SPTLC3: variants seen among roughly 807,000 people sequenced by gnomAD.
SPTLC3 encodes serine palmitoyltransferase long chain base subunit 3.
SPTLC3 carries 36 observed loss-of-function variants against 59.3 expected under a neutral mutation model. The observed-to-expected ratio is 0.61, with a 90% CI of 0.47 to 0.80. SPTLC3 has a LOEUF of 0.80. SPTLC3 is among the 30% of genes least tolerant of loss of function. The pLI, the probability that SPTLC3 is intolerant of heterozygous loss-of-function variation, is 0.00. For missense variants in SPTLC3, 625 were observed against 685.1 expected, an observed-to-expected ratio of 0.91 and a Z score of 0.98; for synonymous variants, 257 against 240.8, an observed-to-expected ratio of 1.07 and a Z score of -0.62.
intron 9 of SPTLC3, among the ~76,000 whole-genome samples, chr20:13,133,238 C>T (rs1600350304): frequency 6.6e-6 from 1 of 152,286 alleles, no homozygotes; most frequent in Admixed American, 6.5e-5. Context: ...TCACCTGTTT[C>T]CTTTCCAAAA....
At chr20:13,023,661 G>A (rs1423161673) in intron 1 of SPTLC3, among the ~76,000 whole-genome samples, 2 of 152,034 alleles carry the variant, frequency 1.3e-5, no homozygotes, top group African/African-American at 4.8e-5. Flanking sequence ...GGACAGCATG[G>A]CTACTATTTA....
At chr20:13,114,503 T>C (rs942747846) in intron 7 of SPTLC3, among the ~76,000 whole-genome samples, 2 of 152,170 alleles carry the variant, frequency 1.3e-5, no homozygotes, top group African/African-American at 4.8e-5. Flanking sequence ...AATAGTCAGC[T>C]CTTCTAAAAC....
At chr20:13,065,585 A>C (rs2122550037) in intron 2 of SPTLC3, among the ~76,000 whole-genome samples, 1 of 152,190 alleles carries the variant, frequency 6.6e-6, no homozygotes, top group South Asian at 2.1e-4. Context: ...AAAATGGTCA[A>C]ACATTGGCAA....
intron 1 of SPTLC3, among the ~76,000 whole-genome samples, chr20:13,040,577 C>G (rs1307801854): frequency 6.6e-6 from 1 of 152,088 alleles, no homozygotes; most frequent in Non-Finnish European, 1.5e-5. Flanking sequence ...CCAGGATGGT[C>G]TCGATCTCCT....
intron 9 of SPTLC3, among the ~76,000 whole-genome samples, chr20:13,127,520 A>G (rs561901517): frequency 2.6e-5 from 4 of 152,336 alleles, no homozygotes; most frequent in African/African-American, 7.2e-5. Flanking sequence ...CAAGCCTGCT[A>G]TTTCAGTAGA....
chr20:13,028,898 A>C (rs1243773284), intron 1 of SPTLC3, among the ~76,000 whole-genome samples: 1 of 152,190 alleles, frequency 6.6e-6, no homozygotes, highest in Non-Finnish European at 1.5e-5. Flanking sequence ...TATTATTTTA[A>C]AATAGGAAGC....
chr20:13,082,001 G>A (rs542395180), intron 4 of SPTLC3, among the ~76,000 whole-genome samples: 2 of 152,272 alleles, frequency 1.3e-5, no homozygotes, highest in South Asian at 4.1e-4. Context: ...GACCGTGATA[G>A]AAATTATAGC....
intron 2 of SPTLC3, among the ~76,000 whole-genome samples, chr20:13,051,815 T>G (rs1412861136): frequency 6.6e-6 from 1 of 152,086 alleles, no homozygotes; most frequent in Non-Finnish European, 1.5e-5. Context: ...ACATGGAAAT[T>G]AAATAACCTG....
intron 3 of SPTLC3, chr20:13,073,989 A>T (rs921197118): frequency 3.6e-5 from 22 of 608,618 alleles, no homozygotes; most frequent in Non-Finnish European, 6.1e-5. Flanking sequence ...CCTGATGACC[A>T]ATGAATATCG....
chr20:13,061,740 TC>T (rs1987983740), intron 2 of SPTLC3, among the ~76,000 whole-genome samples: 1 of 152,166 alleles, frequency 6.6e-6, no homozygotes, highest in African/African-American at 2.4e-5. Context: ...TCAGACTACT[TC>T]TTACCACCCC....
At chr20:13,078,674 T>C (rs1988733643) in intron 4 of SPTLC3, among the ~76,000 whole-genome samples, 1 of 152,180 alleles carries the variant, frequency 6.6e-6, no homozygotes, top group Admixed American at 6.5e-5. Flanking sequence ...ATAAGAAGTA[T>C]ATATATTACA....
Position 13,132,682 on chromosome 20 carries a change from A to G in SPTLC3, c.1279+5965A>G, listed in dbSNP as rs559373925. ...TCTCGCTATCCCTCTTACCTCAGCAAATAAACAGCTCTGATCTCTTTTACA... is the reference window on the plus strand; with the variant it reads ...TCTCGCTATCCCTCTTACCTCAGCAGATAAACAGCTCTGATCTCTTTTACA... On this transcript the variant is annotated intron_variant, in intron 9 of 11. Transcript: ENST00000399002. 12 of 152,298 alleles carry G rather than the reference A, an allele frequency of 7.9e-5. 1 individual carries two copies. Among genetic ancestry groups the G allele is most frequent in the Admixed American group, 5.9e-4 (9 of 15,292 alleles). 9.4% of individuals were successfully genotyped at this position (152,298 alleles called of 1,614,324 possible). A position where few individuals can be genotyped will look rare whatever the true frequency, so the allele number is the denominator to read the frequency against.
At chr20:13,138,292 A>G (rs1480250209) in intron 9 of SPTLC3, among the ~76,000 whole-genome samples, 1 of 152,126 alleles carries the variant, frequency 6.6e-6, no homozygotes, top group African/African-American at 2.4e-5. Context: ...CATCTCCTCA[A>G]CTATTCTGCA....
intron 2 of SPTLC3, among the ~76,000 whole-genome samples, chr20:13,065,710 C>A (rs1988178795): frequency 1.9e-5 from 1 of 52,750 alleles, no homozygotes; most frequent in African/African-American, 6.1e-5. Context: ...AATACTTCTC[C>A]TTTTATACTT....
intron 6 of SPTLC3, among the ~76,000 whole-genome samples, chr20:13,103,206 A>C (rs1255699392): frequency 1.3e-5 from 2 of 152,184 alleles, no homozygotes; most frequent in African/African-American, 4.8e-5. Flanking sequence ...ACTTTCAAAA[A>C]ATAATTGTTT....
chr20:13,030,362 G>C (rs906382688), intron 1 of SPTLC3, among the ~76,000 whole-genome samples: 2 of 152,194 alleles, frequency 1.3e-5, no homozygotes, highest in Admixed American at 6.5e-5. Flanking sequence ...ATATAAAAGA[G>C]ATTTTAAAAT....
chr20:13,114,193 T>A (rs1370905619), intron 7 of SPTLC3, among the ~76,000 whole-genome samples: 1 of 152,236 alleles, frequency 6.6e-6, no homozygotes, highest in Non-Finnish European at 1.5e-5. Context: ...AGTTTCTTCA[T>A]CTGTAACACA....
chr20:13,091,600 T>A (rs2122628335), intron 5 of SPTLC3, among the ~76,000 whole-genome samples: 1 of 148,148 alleles, frequency 6.8e-6, no homozygotes, highest in African/African-American at 2.5e-5. Flanking sequence ...AAAGAAGAAG[T>A]ATGGCTGAGA....
chr20:13,133,706 T>C (rs2038178972), intron 9 of SPTLC3, among the ~76,000 whole-genome samples: 1 of 151,996 alleles, frequency 6.6e-6, no homozygotes, highest in Admixed American at 6.6e-5. Context: ...GCACCAGAGC[T>C]GAGAGGCCAA....
Sources: gnomAD v4.1 joint callset for allele counts (sites outside exome capture counted in the v4.1 genomes callset) on GRCh38, gnomAD v4.1.1 for gene constraint, MANE v1.5 for transcripts, NCBI Gene and HGNC (gene_info 2026-07-23, HGNC 2026-07-21) for gene names.